Variants in SCAMP1 observed in about 807,000 individuals in gnomAD.
The protein encoded by SCAMP1 is secretory carrier membrane protein 1, also known as secretory carrier-associated membrane protein 1.
SCAMP1 carries 15 observed loss-of-function variants against 41.8 expected under a neutral mutation model. That is an observed-to-expected ratio of 0.36 (90% CI 0.24 to 0.55). SCAMP1 has a LOEUF of 0.55. Among genes scored for constraint, SCAMP1 ranks in the 20% least tolerant of loss-of-function variants. The pLI is 0.86. For missense variants in SCAMP1, 341 were observed against 412.6 expected, an observed-to-expected ratio of 0.83 and a Z score of 1.50; for synonymous variants, 135 against 136.8, an observed-to-expected ratio of 0.99 and a Z score of 0.09.
At chr5:78,449,400 A>G (rs1366480950) in intron 6 of SCAMP1, among the ~76,000 whole-genome samples, 2 of 152,156 alleles carry the variant, frequency 1.3e-5, no homozygotes, top group Non-Finnish European at 2.9e-5. Flanking sequence ...AGGAAAAAAG[A>G]CTACATAATA....
intron 8 of SCAMP1, among the ~76,000 whole-genome samples, chr5:78,461,747 AG>A (rs2112237165): frequency 6.6e-6 from 1 of 152,248 alleles, no homozygotes; most frequent in Non-Finnish European, 1.5e-5. Context: ...TATTTTTAGC[AG>A]AGACGGGATT....
rs1359885399 is a variant in SCAMP1 at position 78,476,890 on chromosome 5, A to C, written c.*1222A>C. On this transcript the variant is annotated 3_prime_UTR_variant, in exon 9 of 9. Transcript: ENST00000621999. ...AGATAATCACGTTAAAATTGTTACT[A>C]TGCAGCACAGAACTTCATTCTTATA... 1.3e-5 allele frequency: 2 copies of C among 152,198 alleles called. No homozygotes were observed. Among genetic ancestry groups the C allele is most frequent in the South Asian group, 4.1e-4 (2 of 4,824 alleles). 9.4% of individuals were successfully genotyped at this position (152,198 alleles called of 1,614,324 possible).
Position 78,480,597 on chromosome 5 carries a change from C to A in SCAMP1, c.*4929C>A, listed in dbSNP as rs1331671785. ...GTGGTATCTACAGTATTCTAGTCTC[C>A]TGCACAAAAACTGAACCCACTGGGC... On this transcript the variant is annotated 3_prime_UTR_variant, in exon 9 of 9. Transcript: ENST00000621999. Among the ~76,000 whole-genome samples, 1 of 152,126 alleles carries A rather than the reference C, an allele frequency of 6.6e-6. No individual in the cohort carries two copies. Among genetic ancestry groups the A allele is most frequent in the Non-Finnish European group, 1.5e-5 (1 of 68,020 alleles).
At chr5:78,451,809 C>T (rs558922489) in intron 7 of SCAMP1, among the ~76,000 whole-genome samples, 1 of 152,282 alleles carries the variant, frequency 6.6e-6, no homozygotes, top group Admixed American at 6.5e-5. Context: ...CGCCTGCCAC[C>T]CAGCCCAGCT....
chr5:78,403,746 A>G (rs1751855205), intron 2 of SCAMP1, among the ~76,000 whole-genome samples: 1 of 151,870 alleles, frequency 6.6e-6, no homozygotes, highest in Admixed American at 6.6e-5. Flanking sequence ...CGGGCGAATC[A>G]CTTGAGGTCA....
At chr5:78,428,721 C>T (rs1453800723) in intron 6 of SCAMP1, among the ~76,000 whole-genome samples, 1 of 152,012 alleles carries the variant, frequency 6.6e-6, no homozygotes, top group African/African-American at 2.4e-5. Flanking sequence ...AGAATTAATA[C>T]CCTGACAGCA....
intron 1 of SCAMP1, among the ~76,000 whole-genome samples, chr5:78,367,904 C>T (rs1385674839): frequency 6.6e-6 from 1 of 152,096 alleles, no homozygotes; most frequent in Non-Finnish European, 1.5e-5. Context: ...CGTATTGGTT[C>T]CTTCACCTGT....
chr5:78,419,765 G>A (rs1257876245), intron 5 of SCAMP1, among the ~76,000 whole-genome samples: 2 of 152,140 alleles, frequency 1.3e-5, no homozygotes, highest in East Asian at 3.8e-4. Flanking sequence ...TAATGGATGA[G>A]ATAATTTTCC....
chr5:78,435,290 G>A (rs1301918477), intron 6 of SCAMP1, among the ~76,000 whole-genome samples: 1 of 152,132 alleles, frequency 6.6e-6, no homozygotes, highest in Non-Finnish European at 1.5e-5. Flanking sequence ...CAACGTGCAG[G>A]TTTGATACAT....
chr5:78,454,761 C>G (rs1161298963), intron 7 of SCAMP1, among the ~76,000 whole-genome samples: 1 of 152,158 alleles, frequency 6.6e-6, no homozygotes, highest in Non-Finnish European at 1.5e-5. Flanking sequence ...AGGAATGGTA[C>G]CAGTTCCTCC....
At chr5:78,452,318 A>C in intron 7 of SCAMP1, among the ~76,000 whole-genome samples, 3 of 137,870 alleles carry the variant, frequency 2.2e-5, no homozygotes, top group East Asian at 2.3e-4. Context: ...ATATCTCCCA[A>C]TGCTATCCCT....
intron 7 of SCAMP1, among the ~76,000 whole-genome samples, chr5:78,450,576 AC>A (rs1244799547): frequency 6.6e-6 from 1 of 152,164 alleles, no homozygotes; most frequent in Non-Finnish European, 1.5e-5. Flanking sequence ...GACTATCTGG[AC>A]CCAGGCTAGG....
rs140562384 is a variant in SCAMP1 at position 78,443,966 on chromosome 5, T to G, written c.633-5967T>G. Among the ~76,000 whole-genome samples, 3 of 152,224 alleles carry G rather than the reference T, an allele frequency of 2.0e-5. No individual in the cohort carries two copies. The South Asian group carries it at 6.2e-4, about 32-fold the overall frequency. ...CCATTGTGCCCAGCTCTTAATAGAT[T>G]TTAAGAGATAGACTCTATTATAAAT... On this transcript the variant is annotated intron_variant, in intron 6 of 8. Coordinates refer to ENST00000621999, the MANE Select transcript of SCAMP1 (RefSeq NM_004866.6).
intron 6 of SCAMP1, among the ~76,000 whole-genome samples, chr5:78,439,546 A>T (rs746668387): frequency 6.6e-6 from 1 of 151,952 alleles, no homozygotes; most frequent in African/African-American, 2.4e-5. Context: ...ATTGGCCCCT[A>T]CTCTCTTCTG....
At chr5:78,439,810 T>C (rs535943994) in intron 6 of SCAMP1, among the ~76,000 whole-genome samples, 25 of 152,332 alleles carry the variant, frequency 1.6e-4, no homozygotes, top group Middle Eastern at 3.4e-3. Flanking sequence ...TTTAGAGTGT[T>C]ATACAACTTG....
At chr5:78,459,070 G>A (rs537019453) in intron 7 of SCAMP1, among the ~76,000 whole-genome samples, 175 bp from the exon 8 acceptor site, 15 of 152,216 alleles carry the variant, frequency 9.9e-5, no homozygotes, top group Admixed American at 8.5e-4. Context: ...TGTCAAATGG[G>A]GATTTAAAAC....
intron 7 of SCAMP1, among the ~76,000 whole-genome samples, chr5:78,454,920 A>T (rs1308177446): frequency 6.6e-6 from 1 of 151,984 alleles, no homozygotes; most frequent in Non-Finnish European, 1.5e-5. Flanking sequence ...GGGAGAGTGT[A>T]TGTGTCGAGG....
intron 2 of SCAMP1, among the ~76,000 whole-genome samples, chr5:78,401,866 T>C (rs931934150): frequency 7.9e-5 from 12 of 152,146 alleles, no homozygotes; most frequent in African/African-American, 2.9e-4. Flanking sequence ...CTTCTGCTTA[T>C]TTTGGATTTA....
intron 1 of SCAMP1, among the ~76,000 whole-genome samples, chr5:78,379,575 G>A (rs1355567661): frequency 6.6e-6 from 1 of 152,140 alleles, no homozygotes. Context: ...TTAACTTCTA[G>A]CCAGGATTAA....
Sources: gnomAD v4.1 joint callset for allele counts (sites outside exome capture counted in the v4.1 genomes callset) on GRCh38, gnomAD v4.1.1 for gene constraint, MANE v1.5 for transcripts, NCBI Gene and HGNC (gene_info 2026-07-23, HGNC 2026-07-21) for gene names.